Variants in CLEC6A observed in about 807,000 individuals in gnomAD.
CLEC6A encodes the protein C-type lectin domain family 6 member A.
CLEC6A carries 22 observed loss-of-function variants against 25.7 expected under a neutral mutation model. The observed-to-expected ratio is 0.85, with a 90% CI of 0.61 to 1.22. CLEC6A has a LOEUF of 1.22. CLEC6A is among the 50% of genes most tolerant of loss of function. The pLI, the probability that CLEC6A is intolerant of heterozygous loss-of-function variation, is 0.00. For synonymous variants in CLEC6A, 92 were observed against 76.7 expected (o/e 1.20, Z -1.04); for missense variants, 240 against 236.8 (o/e 1.01, Z -0.09).
chr12:8,471,141 CCA>C (rs1047920161), intron 4 of CLEC6A, among the ~76,000 whole-genome samples: 8 of 151,746 alleles, frequency 5.3e-5, no homozygotes, highest in Non-Finnish European at 1.0e-4. Flanking sequence ...GAAATAAATC[CCA>C]GTTTGTCATT....
chr12:8,472,294 T>C (rs7976958), intron 4 of CLEC6A, among the ~76,000 whole-genome samples: 118,311 of 152,020 alleles, frequency 0.78, 46,443 homozygotes, highest in East Asian at 0.99. Flanking sequence ...ACCAGTCTCT[T>C]TAGAGCAGTA....
intron 4 of CLEC6A, among the ~76,000 whole-genome samples, chr12:8,466,520 C>T (rs1295021663): frequency 6.6e-6 from 1 of 152,176 alleles, no homozygotes; most frequent in African/African-American, 2.4e-5. Flanking sequence ...CCAAGGGTCT[C>T]ACTTCACATT....
chr12:8,462,354 G>C (rs1345416479), intron 3 of CLEC6A, among the ~76,000 whole-genome samples: 2 of 137,620 alleles, frequency 1.5e-5, no homozygotes, highest in African/African-American at 5.5e-5. Flanking sequence ...CACCCGTAAA[G>C]GGTCTGTGCT....
intron 2 of CLEC6A, 100 bp from the exon 3 acceptor site, chr12:8,459,497 G>C (rs1011078719): frequency 2.3e-5 from 16 of 703,534 alleles, no homozygotes; most frequent in African/African-American, 2.3e-4. Flanking sequence ...TAGAGAAACA[G>C]CAGTGGGGGT....
chr12:8,462,690 C>A (rs1025745516), intron 3 of CLEC6A, among the ~76,000 whole-genome samples: 10 of 151,926 alleles, frequency 6.6e-5, no homozygotes, highest in Non-Finnish European at 8.8e-5. Context: ...GACCCTGCCA[C>A]ATCCCCCTCT....
At position 8,459,641 on chromosome 12, in the gene CLEC6A, G is replaced by A; in HGVS notation, c.166G>A (p.Glu56Lys). The A allele has an allele frequency of 1.2e-6, 2 of 1,613,664 alleles. No homozygotes were observed. The highest frequency in any genetic ancestry group is 1.7e-6 in the Non-Finnish European group (2 of 1,179,604). ...TYGETGKRLS[E>K]LHSYHSSLTC... The stretch of plus-strand genomic sequence containing the variant: ...TGGTGAAACTGGCAAAAGGCTGTCT[G>A]AACTACACTCATATCATTCAAGTCT... Residue 56 changes from glutamate (E) to lysine (K), a missense_variant, in exon 3 of 6, where the codon GAA becomes AAA. By Grantham distance (56) the Glu-to-Lys change is moderately conservative. Transcript: ENST00000382073.
At chr12:8,456,243 T>C (rs1441834029) in intron 1 of CLEC6A, 101 bp downstream of exon 1, 7 of 1,160,426 alleles carry the variant, frequency 6.0e-6, no homozygotes, top group African/African-American at 3.0e-5. Context: ...GAGCTAGTGA[T>C]TGGACCAATA....
rs1427164586 is a variant in CLEC6A at position 8,478,169 on chromosome 12, T to C, written c.*705T>C. The stretch of plus-strand genomic sequence containing the variant: ...ATTTAAATTTTGTCAAATCTTTCTT[T>C]GCTTGCAAGCATTTCTTGTTACCCA... On this transcript the variant is annotated 3_prime_UTR_variant, in exon 6 of 6. Transcript: ENST00000382073. The C allele has an allele frequency of 6.6e-6, 1 of 152,062 alleles. No homozygotes were observed. Among genetic ancestry groups the C allele is most frequent in the Admixed American group, 6.6e-5 (1 of 15,254 alleles). 9.4% of individuals were successfully genotyped at this position (152,062 alleles called of 1,614,324 possible). A position where few individuals can be genotyped will look rare whatever the true frequency, so the allele number is the denominator to read the frequency against.
intron 3 of CLEC6A, among the ~76,000 whole-genome samples, chr12:8,463,593 G>C (rs1458206085): frequency 6.6e-6 from 1 of 152,142 alleles, no homozygotes. Context: ...ATTTATAATG[G>C]TTTGTAAACT....
At chr12:8,468,614 G>A (rs890077483) in intron 4 of CLEC6A, among the ~76,000 whole-genome samples, 3 of 152,146 alleles carry the variant, frequency 2.0e-5, no homozygotes, top group African/African-American at 7.2e-5. Context: ...ATGATCCAGG[G>A]ATGCAAGGAT....
intron 4 of CLEC6A, among the ~76,000 whole-genome samples, chr12:8,466,400 C>A (rs771662281): frequency 1.2e-3 from 184 of 152,240 alleles, no homozygotes; most frequent in African/African-American, 4.3e-3. Flanking sequence ...TGGATATATA[C>A]CCACAAGTGG....
At chr12:8,459,446 C>T in intron 2 of CLEC6A, 151 bp from the exon 3 acceptor site, 2 of 552,078 alleles carry the variant, frequency 3.6e-6, no homozygotes, top group Non-Finnish European at 6.6e-6. Flanking sequence ...TAAGTGAATA[C>T]AAGCAAATAA....
intron 3 of CLEC6A, chr12:8,461,021 T>C: frequency 6.5e-7 from 1 of 1,534,616 alleles, no homozygotes; most frequent in Non-Finnish European, 8.9e-7. Context: ...GTTATCCTCA[T>C]TGATCCATTC....
At chr12:8,468,402 T>C (rs1198908540) in intron 4 of CLEC6A, among the ~76,000 whole-genome samples, 2 of 152,178 alleles carry the variant, frequency 1.3e-5, no homozygotes, top group African/African-American at 2.4e-5. Context: ...ATATTTAGGG[T>C]TTGTTACATA....
intron 4 of CLEC6A, among the ~76,000 whole-genome samples, chr12:8,469,263 C>G (rs1565483677): frequency 6.6e-6 from 1 of 152,072 alleles, no homozygotes; most frequent in Non-Finnish European, 1.5e-5. Flanking sequence ...AACTACAAAA[C>G]ACTGCTGAAA....
In CLEC6A at chr12:8,477,548, T is replaced by C; in HGVS notation, c.*84T>C. 1 of 1,053,326 alleles carries C rather than the reference T, an allele frequency of 9.5e-7. No individual in the cohort carries two copies. Among genetic ancestry groups the C allele is most frequent in the East Asian group, 2.5e-5 (1 of 39,240 alleles). 65.2% of individuals were successfully genotyped at this position (1,053,326 alleles called of 1,614,324 possible). On this transcript the variant is annotated 3_prime_UTR_variant, in exon 6 of 6. Coordinates refer to ENST00000382073, the MANE Select transcript of CLEC6A (RefSeq NM_001007033.2). ...TTTAAAATTGAACCCTATCATGAAA[T>C]GATAATTTCTTCCTGAATTTACACA... is the stretch of plus-strand genomic sequence containing the variant.
At chr12:8,465,756 C>A in intron 4 of CLEC6A, 127 bp downstream of exon 4, 1 of 717,806 alleles carries the variant, frequency 1.4e-6, no homozygotes. Context: ...GGTAACAGAT[C>A]TCTAGAACTT....
chr12:8,462,167 T>A (rs1312630259), intron 3 of CLEC6A, among the ~76,000 whole-genome samples: 1 of 151,766 alleles, frequency 6.6e-6, no homozygotes, highest in Non-Finnish European at 1.5e-5. Context: ...GAAGGCAGCA[T>A]GCTCCTTAAG....
At position 8,459,584 on chromosome 12, in the gene CLEC6A, T is replaced by G. The variant is rs752530953; in HGVS notation, c.122-13T>G. On this transcript the variant is annotated splice_polypyrimidine_tract_variant and intron_variant, in intron 2 of 5. Coordinates refer to ENST00000382073, the MANE Select transcript of CLEC6A (RefSeq NM_001007033.2). ...ATAATAGATGGACACTAATCCTTCT[T>G]CTTCCTTTACAGTAACTTACCATTT... The G allele has an allele frequency of 6.6e-6, 10 of 1,525,082 alleles. No homozygotes were observed. In the Admixed American group the frequency reaches 1.7e-4, roughly 25 times the overall value. 94.5% of individuals were successfully genotyped at this position (1,525,082 alleles called of 1,614,324 possible).
Sources: gnomAD v4.1 joint callset for allele counts (sites outside exome capture counted in the v4.1 genomes callset) on GRCh38, gnomAD v4.1.1 for gene constraint, MANE v1.5 for transcripts, NCBI Gene and HGNC (gene_info 2026-07-23, HGNC 2026-07-21) for gene names.